CDH13: variants seen among roughly 807,000 people sequenced by gnomAD.
CDH13 encodes cadherin 13.
In CDH13, 24 loss-of-function variants were observed where a neutral mutation model predicts 63.8. The ratio of observed to expected loss-of-function variants is 0.38; its 90% confidence interval spans 0.27 to 0.53. The LOEUF is 0.53. CDH13 is among the 20% of genes least tolerant of loss of function. CDH13 has a pLI of 0.85. For missense variants in CDH13, 1,049 were observed against 903.1 expected, an observed-to-expected ratio of 1.16 and a Z score of -2.07; for synonymous variants, 503 against 355.3, an observed-to-expected ratio of 1.42 and a Z score of -4.67.
intron 1 of CDH13, chr16:82,705,284 C>A: frequency 2.6e-6 from 1 of 385,250 alleles, no homozygotes; most frequent in Non-Finnish European, 5.1e-6. Flanking sequence ...GGTGAGATGT[C>A]CAATATATTC....
chr16:83,217,314 G>A lies in CDH13; in HGVS notation c.484-31G>A, dbSNP rs751184671. 9.3e-6 allele frequency: 15 copies of A among 1,612,540 alleles called. No homozygotes were observed. In the African/African-American group the frequency reaches 9.3e-5, roughly 10 times the overall value. ...GTGCTTTCTCTGTGTTTTCCAGGCA[G>A]TTTTAAATGTCTCTCTGTTTTTCTG... On this transcript the variant is annotated intron_variant, in intron 4 of 13. Transcript: ENST00000567109.
intron 1 of CDH13, among the ~76,000 whole-genome samples, chr16:82,710,609 GTATA>G (rs924218586): frequency 8.6e-6 from 1 of 116,526 alleles, no homozygotes; most frequent in Non-Finnish European, 1.8e-5. Context: ...AATATATAAA[GTATA>G]TATGATATAC....
At chr16:83,386,914 C>G (rs1199890088) in intron 6 of CDH13, among the ~76,000 whole-genome samples, 1 of 152,182 alleles carries the variant, frequency 6.6e-6, no homozygotes, top group African/African-American at 2.4e-5. Flanking sequence ...TCCACCCCAC[C>G]TTTTCCATTG....
At chr16:83,255,160 A>G (rs1005622738) in intron 5 of CDH13, among the ~76,000 whole-genome samples, 1 of 152,162 alleles carries the variant, frequency 6.6e-6, no homozygotes, top group Non-Finnish European at 1.5e-5. Context: ...TAAATTGACT[A>G]TTGAAAAGGC....
chr16:83,393,939 C>T (rs1221045805), intron 6 of CDH13, among the ~76,000 whole-genome samples: 1 of 152,178 alleles, frequency 6.6e-6, no homozygotes, highest in East Asian at 1.9e-4. Flanking sequence ...AGATCATGTC[C>T]TGTGCAGGAA....
At chr16:83,279,099 T>G (rs1017670250) in intron 5 of CDH13, among the ~76,000 whole-genome samples, 7 of 152,174 alleles carry the variant, frequency 4.6e-5, no homozygotes, top group Admixed American at 2.0e-4. Flanking sequence ...AACTTTTTTT[T>G]TTTTCATTTT....
chr16:82,689,981 C>CGAAAAAAA (rs1915472581), intron 1 of CDH13, among the ~76,000 whole-genome samples: 1 of 6,484 alleles, frequency 1.5e-4, no homozygotes, highest in Non-Finnish European at 2.9e-4. Flanking sequence ...GCCATCTCTA[C>CGAAAAAAA]TAAAAAAAAA....
intron 3 of CDH13, among the ~76,000 whole-genome samples, chr16:83,065,737 A>C (rs1439181082): frequency 1.3e-5 from 2 of 152,020 alleles, no homozygotes; most frequent in Non-Finnish European, 2.9e-5. Flanking sequence ...AACAAAAAAA[A>C]AAAAACAAGA....
At chr16:83,147,306 C>G (rs1196566780) in intron 4 of CDH13, among the ~76,000 whole-genome samples, 1 of 152,170 alleles carries the variant, frequency 6.6e-6, no homozygotes, top group Non-Finnish European at 1.5e-5. Context: ...CCGTGTGAGG[C>G]CTGACCTTGC....
chr16:82,785,301 AAGAG>A (rs2035953483), intron 1 of CDH13, among the ~76,000 whole-genome samples: 1 of 152,170 alleles, frequency 6.6e-6, no homozygotes, highest in African/African-American at 2.4e-5. Flanking sequence ...GCTCATTTGA[AAGAG>A]AGACAACTAA....
intron 1 of CDH13, among the ~76,000 whole-genome samples, chr16:82,715,318 C>T (rs954780725): frequency 2.7e-5 from 4 of 149,482 alleles, no homozygotes; most frequent in Admixed American, 1.3e-4. Context: ...CCATCATCAG[C>T]GCCAATCCTG....
In CDH13 at chr16:82,761,017, C is replaced by CTTT. The variant is rs35038319; in HGVS notation, c.46-97318_46-97316dup. ...CTCTGGGGTTCACATTTCTTTCTTT[C>CTTT]TTTTTTTTTTTTTTTTTTTTTTTTT... is the stretch of plus-strand genomic sequence containing the variant. On this transcript the variant is annotated intron_variant, in intron 1 of 13. Coordinates refer to ENST00000567109, the MANE Select transcript of CDH13 (RefSeq NM_001257.5). Among the ~76,000 whole-genome samples the CTTT allele has an allele frequency of 3.2e-4, 13 of 40,488 alleles. 1 individual carries two copies. Among genetic ancestry groups the CTTT allele is most frequent in the African/African-American group, 8.9e-4 (10 of 11,230 alleles). 26.6% of individuals were successfully genotyped at this position (40,488 alleles called of 152,430 possible).
Position 83,748,326 on chromosome 16 carries a change from G to A in CDH13, c.1681+76G>A, listed in dbSNP as rs1310781581. On this transcript the variant is annotated intron_variant, in intron 11 of 13. Transcript: ENST00000567109. ...ACTTTTACATTTTTAAATTTCTTCT[G>A]ATACACCCAGGGGTGTTCTTGGGAA... The A allele has an allele frequency of 3.6e-6, 5 of 1,369,878 alleles. No homozygotes were observed. The East Asian group carries it at 1.2e-4, about 32-fold the overall frequency. 84.9% of individuals were successfully genotyped at this position (1,369,878 alleles called of 1,614,324 possible). A position where few individuals can be genotyped will look rare whatever the true frequency, so the allele number is the denominator to read the frequency against.
intron 4 of CDH13, among the ~76,000 whole-genome samples, chr16:83,214,579 CAAAAAAAA>C (rs751124100): frequency 1.0e-4 from 4 of 39,780 alleles, no homozygotes; most frequent in South Asian, 1.4e-3. Flanking sequence ...GACTCTGTCT[CAAAAAAAA>C]AAAAAAAAAA....
At chr16:83,605,658 C>T (rs1429752231) in intron 8 of CDH13, among the ~76,000 whole-genome samples, 5 of 152,122 alleles carry the variant, frequency 3.3e-5, no homozygotes, top group East Asian at 1.9e-4. Flanking sequence ...GTGATGACAC[C>T]GCTGATGAGG....
chr16:82,715,603 A>G (rs2032308372), intron 1 of CDH13, among the ~76,000 whole-genome samples: 1 of 152,086 alleles, frequency 6.6e-6, no homozygotes, highest in Non-Finnish European at 1.5e-5. Context: ...CCAAACAGGA[A>G]TTTCTATATT....
At chr16:83,073,347 G>C (rs1318878211) in intron 3 of CDH13, among the ~76,000 whole-genome samples, 2 of 134,490 alleles carry the variant, frequency 1.5e-5, no homozygotes, top group African/African-American at 3.1e-5. Flanking sequence ...GTGTGTGTGT[G>C]TGTGTGTGAG....
intron 6 of CDH13, among the ~76,000 whole-genome samples, chr16:83,468,378 G>A (rs972822012): frequency 3.9e-5 from 6 of 152,178 alleles, no homozygotes; most frequent in African/African-American, 1.4e-4. Context: ...CATATGGTAA[G>A]GAAGAGACCT....
At chr16:83,417,270 T>C (rs1285735110) in intron 6 of CDH13, among the ~76,000 whole-genome samples, 1 of 152,136 alleles carries the variant, frequency 6.6e-6, no homozygotes, top group Non-Finnish European at 1.5e-5. Context: ...AATTGACTCC[T>C]TATCTTCTCC....
Sources: allele counts gnomAD v4.1 joint callset (sites outside exome capture counted in the v4.1 genomes callset), GRCh38; gene constraint gnomAD v4.1.1; transcripts MANE v1.5; gene names NCBI Gene and HGNC (gene_info 2026-07-23, HGNC 2026-07-21).